The following TRIM28 variants were observed in gnomAD, a reference collection of about 807,000 sequenced individuals.
The protein encoded by TRIM28 is transcription intermediary factor 1-beta.
In TRIM28, 8 loss-of-function variants were observed where a neutral mutation model predicts 87.4. The ratio of observed to expected loss-of-function variants is 0.09; its 90% confidence interval spans 0.05 to 0.17. TRIM28 has a LOEUF of 0.17. TRIM28 is among the 10% of genes least tolerant of loss of function. The probability of loss-of-function intolerance (pLI) is 1.00; values close to 1 mark genes in which losing one functional copy is unlikely to be tolerated. For synonymous variants in TRIM28, 601 were observed against 454.3 expected (o/e 1.32, Z -4.11); for missense variants, 968 against 1,131.8 (o/e 0.86, Z 2.08).
At chr19:58,547,177 G>T (rs2053768723) in intron 3 of TRIM28, 199 bp from the exon 4 acceptor site, 1 of 620,810 alleles carries the variant, frequency 1.6e-6, no homozygotes, top group African/African-American at 1.8e-5. Flanking sequence ...GTGTTTCTCA[G>T]CTATGTTGGG....
Position 58,544,880 on chromosome 19 carries a change from G to C in TRIM28, c.123G>C (p.Ser41=). Residue 41 remains serine (S), a synonymous_variant, in exon 1 of 17, where the codon TCG becomes TCC. Coordinates refer to ENST00000253024, the MANE Select transcript of TRIM28 (RefSeq NM_005762.3). ...KRSTAPSAAA[S]ASASAAASSP... ...CCACCGCCCCTTCGGCCGCAGCCTC[G>C]GCCTCTGCCTCAGCCGCGGCGTCGT... The C allele has an allele frequency of 2.2e-6, 3 of 1,344,142 alleles. No homozygotes were observed. The highest frequency in any genetic ancestry group is 3.1e-5 in the East Asian group (1 of 32,178). 83.3% of individuals were successfully genotyped at this position (1,344,142 alleles called of 1,614,324 possible). A position where few individuals can be genotyped will look rare whatever the true frequency, so the allele number is the denominator to read the frequency against.
In TRIM28 at chr19:58,549,484, G is replaced by A. The variant is rs2053794179; in HGVS notation, c.1816G>A (p.Val606Met). The A allele has an allele frequency of 5.0e-6, 8 of 1,613,692 alleles. No individual in the cohort carries two copies. Among genetic ancestry groups the A allele is most frequent in the Non-Finnish European group, 6.8e-6 (8 of 1,179,856 alleles). The change falls in exon 13 of 17, where the codon GTG becomes ATG. Residue 606 changes from valine (V) to methionine (M), a missense_variant. Val to Met is a conservative substitution (Grantham distance 21). Transcript: ENST00000253024. This position sits in a 1 kb window ranked among gnomAD's most constrained non-coding sequence, Gnocchi z 4.4. ...SGSTSSGLEV[V>M]APEGTSAPGG... is the part of the protein sequence containing the mutation. ...CAGCACCAGCTCAGGGCTGGAGGTG[G>A]TGGCTCCTGAGGGTACCTCAGCCCC...
At chr19:58,547,239 TG>T in intron 3 of TRIM28, 136 bp from the exon 4 acceptor site, 1 of 1,153,704 alleles carries the variant, frequency 8.7e-7, no homozygotes, top group Non-Finnish European at 1.2e-6. Context: ...TGTTCTTCCC[TG>T]GCCACACCCT....
At chr19:58,548,212 TC>T in intron 7 of TRIM28, 32 bp downstream of exon 7, 1 of 1,613,488 alleles carries the variant, frequency 6.2e-7, no homozygotes, top group South Asian at 1.1e-5. Context: ...GCTGGTGGGT[TC>T]CAGGCAGGTG....
chr19:58,549,510 A>G lies in TRIM28; in HGVS notation c.1842A>G (p.Pro614=). ...TGGCTCCTGAGGGTACCTCAGCCCC[A>G]GGTGGTGGCCCGGGAACCCTGGATG... ...EVVAPEGTSA[P]GGGPGTLDDS... Residue 614 remains proline, a synonymous_variant, in exon 13 of 17, where the codon CCA becomes CCG. Coordinates refer to ENST00000253024, the MANE Select transcript of TRIM28 (RefSeq NM_005762.3). This position sits in a 1 kb window ranked among gnomAD's most constrained non-coding sequence, Gnocchi z 4.4. 6.2e-7 allele frequency: 1 copy of G among 1,613,900 alleles called. No homozygotes were observed. Among genetic ancestry groups the G allele is most frequent in the South Asian group, 1.1e-5 (1 of 91,084 alleles).
rs770498879 is a variant in TRIM28, at chr19:58,550,354, C to T, written c.2332-23C>T. ...AGGAAAGAACTAGGACCCATTCATC[C>T]ACTGCATTCCTGCTTGGCCCAGGAC... On this transcript the variant is annotated intron_variant, in intron 16 of 16. Transcript: ENST00000253024. 9.9e-6 allele frequency: 16 copies of T among 1,612,734 alleles called. No individual in the cohort carries two copies. The South Asian group carries it at 1.6e-4, about 17-fold the overall frequency.
At chr19:58,550,111 T>C (rs761385441) in intron 15 of TRIM28, 36 bp from the exon 16 acceptor site, 1 of 1,613,660 alleles carries the variant, frequency 6.2e-7, no homozygotes. Context: ...TGTATATGTG[T>C]GTCTTTGTGT....
chr19:58,550,190 G>A lies in TRIM28; in HGVS notation c.2237G>A (p.Arg746His), dbSNP rs2053804243. The change falls in exon 16 of 17, where the codon CGC becomes CAC. Residue 746 changes from arginine (R) to histidine (H), a missense_variant. This residue lies in a region of TRIM28 where 192 missense variants were observed against 225.6 expected (regional missense o/e 0.85). Transcript: ENST00000253024. ...GTLDLTLIRA[R>H]LQEKLSPPYS... ...CTGGATCTGACCCTGATCCGTGCCC[G>A]CCTCCAGGAGAAGTTGTCACCTCCC... 1.9e-6 allele frequency: 3 copies of A among 1,614,022 alleles called. No homozygotes were observed. Among genetic ancestry groups the A allele is most frequent in the Non-Finnish European group, 2.5e-6 (3 of 1,179,996 alleles).
rs1157641098 is a variant in TRIM28 at position 58,544,159 on chromosome 19, C to G, written c.-599C>G. The G allele has an allele frequency of 6.6e-6, 1 of 152,418 alleles. No homozygotes were observed. 9.4% of individuals were successfully genotyped at this position (152,418 alleles called of 1,614,324 possible). ...CCATGCGCTTGGGCGCACAGCGGCC[C>G]GCTTCTGTGTGGTCTGGAGGTGGAG... On this transcript the variant is annotated 5_prime_UTR_variant, in exon 1 of 17. Transcript: ENST00000253024.
In TRIM28 at chr19:58,549,678, T is replaced by G. The variant is rs1600083768; in HGVS notation, c.1982+28T>G. 1.9e-6 allele frequency: 3 copies of G among 1,603,788 alleles called. No individual in the cohort carries two copies. Among genetic ancestry groups the G allele is most frequent in the Non-Finnish European group, 2.6e-6 (3 of 1,172,534 alleles). On this transcript the variant is annotated intron_variant, in intron 13 of 16. Coordinates refer to ENST00000253024, the MANE Select transcript of TRIM28 (RefSeq NM_005762.3). The surrounding 1 kb of genome is among the most constrained non-coding windows in gnomAD (Gnocchi z 4.4). The stretch of plus-strand genomic sequence containing the variant: ...GAGTGTGAGGCTGGTGGGGGTCAAG[T>G]CTGGGTGTTGGGCTGTCTGGACAGG...
chr19:58,545,212 G>A, intron 1 of TRIM28, 115 bp downstream of exon 1: 2 of 1,046,800 alleles, frequency 1.9e-6, no homozygotes, highest in East Asian at 2.7e-5. Context: ...GACAGGGCAC[G>A]GGAAATACTT....
chr19:58,545,249 T>C, intron 1 of TRIM28, 152 bp downstream of exon 1: 1 of 912,020 alleles, frequency 1.1e-6, no homozygotes, highest in Non-Finnish European at 1.6e-6. Flanking sequence ...GAACGTGGGT[T>C]TGTGCTGGCC....
intron 1 of TRIM28, 74 bp downstream of exon 1, chr19:58,545,171 G>T: frequency 7.6e-7 from 1 of 1,308,838 alleles, no homozygotes; most frequent in Non-Finnish European, 1.0e-6. Flanking sequence ...CAGAGATGAG[G>T]ATGCCACCTG....
At position 58,548,183 on chromosome 19, in the gene TRIM28, G is replaced by A; in HGVS notation, c.1101+3G>A. 6.2e-7 allele frequency: 1 copy of A among 1,613,868 alleles called. No homozygotes were observed. The highest frequency in any genetic ancestry group is 1.1e-5 in the South Asian group (1 of 91,086). On this transcript the variant is annotated splice_donor_region_variant and intron_variant, in intron 7 of 16. Coordinates refer to ENST00000253024, the MANE Select transcript of TRIM28 (RefSeq NM_005762.3). ...CCCTTTTGCTTTCTAAGAAGTTGGT[G>A]TGTACTGGTGGGCTCCTGGCTGGTG...
In TRIM28 at chr19:58,549,195, A is replaced by G. The variant is rs772126072; in HGVS notation, c.1617A>G (p.Ala539=). 2.5e-6 allele frequency: 4 copies of G among 1,613,798 alleles called. No individual in the cohort carries two copies. In the East Asian group the frequency reaches 8.9e-5, roughly 36 times the overall value. ...CCGGCCAGCCAGGGACTGCGCCTGC[A>G]GGAACCCCTGGTGCCCCACCCCTGG... The part of the protein sequence containing the change: ...AATGQPGTAP[A]GTPGAPPLAG... The change falls in exon 12 of 17, where the codon GCA becomes GCG. Residue 539 remains alanine (A), a synonymous_variant. Transcript: ENST00000253024. The surrounding 1 kb of genome is among the most constrained non-coding windows in gnomAD (Gnocchi z 4.4).
Position 58,545,146 on chromosome 19 carries a change from G to C in TRIM28, c.340+49G>C, listed in dbSNP as rs2053749613. 7.3e-6 allele frequency: 10 copies of C among 1,368,890 alleles called. No homozygotes were observed. In the South Asian group the frequency reaches 1.4e-4, roughly 20 times the overall value. 84.8% of individuals were successfully genotyped at this position (1,368,890 alleles called of 1,614,324 possible). On this transcript the variant is annotated intron_variant, in intron 1 of 16. Coordinates refer to ENST00000253024, the MANE Select transcript of TRIM28 (RefSeq NM_005762.3). ...ACCCCTCCCCCTACTCTCTGCCTTT[G>C]ATTCCGACTGGGTGCAGAGATGAGG...
rs757725697 is a variant in TRIM28 at position 58,549,426 on chromosome 19, T to G, written c.1758T>G (p.Gly586=). The G allele has an allele frequency of 1.2e-6, 2 of 1,605,112 alleles. No individual in the cohort carries two copies. The highest frequency in any genetic ancestry group is 2.2e-5 in the South Asian group (2 of 90,678). The change falls in exon 13 of 17, where the codon GGT becomes GGG. Residue 586 remains glycine, a synonymous_variant. Coordinates refer to ENST00000253024, the MANE Select transcript of TRIM28 (RefSeq NM_005762.3). The surrounding 1 kb of genome is among the most constrained non-coding windows in gnomAD (Gnocchi z 4.4). ...PVLMALAEGP[G]AEGPRLASPS... is the part of the protein sequence containing the mutation. Reference sequence around the variant, plus strand: ...TTATGGCTCTTGCGGAGGGTCCTGGTGCTGAGGGTCCCCGCCTGGCCTCAC... The same window carrying G: ...TTATGGCTCTTGCGGAGGGTCCTGGGGCTGAGGGTCCCCGCCTGGCCTCAC...
Position 58,544,891 on chromosome 19 carries a change from C to A in TRIM28, c.134C>A (p.Ser45Ter). The change falls in exon 1 of 17, where the codon TCA (serine) becomes TAA (stop). Residue 45 changes from serine (S) to a stop codon, truncating the protein, a stop_gained. Transcript: ENST00000253024. LOFTEE classifies it high-confidence loss of function. ...TCGGCCGCAGCCTCGGCCTCTGCCT[C>A]AGCCGCGGCGTCGTCGCCCGCGGGG... ...APSAAASASA[S>*]AAASSPAGGG... 3 of 1,372,552 alleles carry A rather than the reference C, an allele frequency of 2.2e-6. No individual in the cohort carries two copies. The highest frequency in any genetic ancestry group is 1.9e-6 in the Non-Finnish European group (2 of 1,071,144). The allele number at this position is 1,372,552 out of a possible 1,614,324, so 85.0% of individuals were successfully genotyped here.
chr19:58,547,679 A>G lies in TRIM28; in HGVS notation c.805A>G (p.Thr269Ala), dbSNP rs762652292. Reference sequence around the variant, plus strand: ...GAAGCGCCTTGGGGACAAACATGCAACATTGCAGAAGAGCACCAAGGAGGT... The same window carrying G: ...GAAGCGCCTTGGGGACAAACATGCAGCATTGCAGAAGAGCACCAAGGAGGT... ...LVKRLGDKHA[T>A]LQKSTKEVRS... is the part of the protein sequence containing the mutation. The change falls in exon 5 of 17, where the codon ACA becomes GCA. Residue 269 changes from threonine to alanine, a missense_variant. Physicochemically the swap from Thr to Ala is moderately conservative, Grantham distance 58. Transcript: ENST00000253024. 1.4e-5 allele frequency: 22 copies of G among 1,614,000 alleles called. No homozygotes were observed. The highest frequency in any genetic ancestry group is 2.2e-5 in the East Asian group (1 of 44,898).
Sources: gnomAD v4.1 joint callset for allele counts on GRCh38, gnomAD v4.1.1 for gene constraint, gnomAD v4.1.1 regional missense constraint, Gnocchi (gnomAD v3.1) non-coding constraint, MANE v1.5 for transcripts, NCBI Gene and HGNC (gene_info 2026-07-23, HGNC 2026-07-21) for gene names.